Variants in FBXL5 observed in about 807,000 individuals in gnomAD.
FBXL5 encodes the protein F-box/LRR-repeat protein 5.
A neutral mutation model predicts 78.3 loss-of-function variants in FBXL5; 26 were observed. The observed-to-expected ratio is 0.33, with a 90% confidence interval of 0.24 to 0.46. The LOEUF (loss-of-function observed/expected upper bound fraction) is 0.46, where lower values mean the gene tolerates loss of function less well. Ranked by LOEUF, FBXL5 falls within the 20% of genes least tolerant of loss-of-function variation. The pLI is 1.00. For missense variants in FBXL5, 710 were observed against 829.2 expected (o/e 0.86, Z 1.77); for synonymous variants, 295 against 282.5 (o/e 1.04, Z -0.45).
upstream of FBXL5, chr4:15,659,697 A>G (rs914745250): frequency 1.1e-5 from 11 of 983,220 alleles, no homozygotes; most frequent in African/African-American, 1.7e-4. Flanking sequence ...AGAGCCTTCC[A>G]TTTCCCAAAT....
Position 15,630,718 on chromosome 4 carries a change from A to C in FBXL5, c.840T>G (p.Asp280Glu). 1.2e-6 allele frequency: 2 copies of C among 1,607,594 alleles called. No homozygotes were observed. The highest frequency in any genetic ancestry group is 1.7e-6 in the Non-Finnish European group (2 of 1,178,478). ...PDDEWVKNRK[D>E]ESRAFHEWDE... ...CCCACTCATGAAAAGCACGACTTTC[A>C]TCTTTCCTATTTTTCACCCATTCAT... The change falls in exon 6 of 11, where the codon GAT becomes GAG. Residue 280 changes from aspartate (D) to glutamate (E), a missense_variant. Asp to Glu is a conservative substitution (Grantham distance 45). Transcript: ENST00000341285.
At chr4:15,613,696 T>G (rs982794319) in intron 9 of FBXL5, among the ~76,000 whole-genome samples, 5 of 152,122 alleles carry the variant, frequency 3.3e-5, no homozygotes, top group Non-Finnish European at 7.4e-5. Context: ...CTGAAGTTCT[T>G]TCTTTTGTTT....
chr4:15,651,777 T>G (rs2148712321), intron 1 of FBXL5, among the ~76,000 whole-genome samples: 1 of 152,340 alleles, frequency 6.6e-6, no homozygotes, highest in Non-Finnish European at 1.5e-5. Flanking sequence ...CTGAAAAATT[T>G]GGGCACACCT....
chr4:15,658,261 CAT>C (rs1408945587), upstream of FBXL5, among the ~76,000 whole-genome samples: 1 of 152,244 alleles, frequency 6.6e-6, no homozygotes, highest in Admixed American at 6.5e-5. Context: ...CAGTTGGAAT[CAT>C]AGTCCTCACT....
chr4:15,644,437 A>T (rs1715176083), intron 2 of FBXL5, 56 bp downstream of exon 2: 1 of 1,415,716 alleles, frequency 7.1e-7, no homozygotes, highest in Non-Finnish European at 9.9e-7. Context: ...TTTGCCAATG[A>T]TATACCAGAA....
At chr4:15,620,279 T>TA (rs1271082753) in intron 9 of FBXL5, among the ~76,000 whole-genome samples, 1 of 151,906 alleles carries the variant, frequency 6.6e-6, no homozygotes, top group African/African-American at 2.4e-5. Flanking sequence ...TGAAAGAAAT[T>TA]AAAAAAGATC....
intron 1 of FBXL5, among the ~76,000 whole-genome samples, chr4:15,645,979 T>C (rs1234491641): frequency 6.6e-6 from 1 of 152,204 alleles, no homozygotes; most frequent in Non-Finnish European, 1.5e-5. Flanking sequence ...TTTATGGAGT[T>C]TCCATTTCAG....
chr4:15,666,266 G>A (rs113522548), intron 1 of FBXL5, among the ~76,000 whole-genome samples: 68 of 152,178 alleles, frequency 4.5e-4, no homozygotes, highest in African/African-American at 1.6e-3. Context: ...AGGTATGGTG[G>A]TGCATGCCTG....
chr4:15,675,556 C>A (rs1417023151), intron 1 of FBXL5, among the ~76,000 whole-genome samples: 1 of 149,420 alleles, frequency 6.7e-6, no homozygotes, highest in South Asian at 2.1e-4. Context: ...CTTAACTTCT[C>A]GGTCACAAAA....
At chr4:15,626,718 G>C (rs985631757) in intron 8 of FBXL5, among the ~76,000 whole-genome samples, 155 bp downstream of exon 8, 1 of 152,206 alleles carries the variant, frequency 6.6e-6, no homozygotes, top group Non-Finnish European at 1.5e-5. Flanking sequence ...GGACCTATGA[G>C]TAAGAAGTGA....
chr4:15,619,356 A>AGT (rs1712243136), intron 9 of FBXL5, among the ~76,000 whole-genome samples: 1 of 152,194 alleles, frequency 6.6e-6, no homozygotes, highest in East Asian at 1.9e-4. Flanking sequence ...ACACACCCTG[A>AGT]CCAAGTGGGT....
chr4:15,609,421 A>C (rs1443188206), intron 10 of FBXL5, among the ~76,000 whole-genome samples: 2 of 152,068 alleles, frequency 1.3e-5, no homozygotes, highest in African/African-American at 4.8e-5. Flanking sequence ...ACTGAGTTCT[A>C]AGTATATTAC....
intron 1 of FBXL5, among the ~76,000 whole-genome samples, chr4:15,671,580 GTTT>G (rs893741100): frequency 4.6e-5 from 7 of 151,994 alleles, no homozygotes; most frequent in African/African-American, 1.7e-4. Flanking sequence ...GGGTGGTGTG[GTTT>G]TTTTATGCTT....
chr4:15,623,892 G>A (rs1248416856), intron 9 of FBXL5, among the ~76,000 whole-genome samples: 8 of 151,112 alleles, frequency 5.3e-5, no homozygotes, highest in South Asian at 2.1e-4. Context: ...GCATGATCTC[G>A]GCTCACTGCA....
chr4:15,615,164 G>A (rs145247119), intron 9 of FBXL5, among the ~76,000 whole-genome samples: 46,095 of 152,050 alleles, frequency 0.3, 7,236 homozygotes, highest in Middle Eastern at 0.43. Context: ...GGCAGGGCTC[G>A]GGACCTGCAG....
intron 1 of FBXL5, among the ~76,000 whole-genome samples, chr4:15,674,088 T>A (rs1188799486): frequency 6.6e-6 from 1 of 152,242 alleles, no homozygotes; most frequent in Non-Finnish European, 1.5e-5. Context: ...ATAGATTTGT[T>A]TTCCAACACT....
chr4:15,604,475 C>T lies in FBXL5; in HGVS notation c.*1248G>A, dbSNP rs1721753580. ...AACAATCACTGGCCACAGATCACCA[C>T]AACAGATTTAATAATAGTGAAAAAC... On this transcript the variant is annotated 3_prime_UTR_variant, in exon 11 of 11. Coordinates refer to ENST00000341285, the MANE Select transcript of FBXL5 (RefSeq NM_012161.4). 1 of 151,390 alleles carries T rather than the reference C, an allele frequency of 6.6e-6. No homozygotes were observed. Among genetic ancestry groups the T allele is most frequent in the African/African-American group, 2.5e-5 (1 of 40,718 alleles). 9.4% of individuals were successfully genotyped at this position (151,390 alleles called of 1,614,324 possible).
At position 15,612,414 on chromosome 4, in the gene FBXL5, C is replaced by T; in HGVS notation, c.1851G>A (p.Arg617=). 16 of 1,604,106 alleles carry T rather than the reference C, an allele frequency of 1.0e-5. No individual in the cohort carries two copies. Among genetic ancestry groups the T allele is most frequent in the Non-Finnish European group, 1.3e-5 (15 of 1,176,558 alleles). ...GCYQITDHGL[R]VLTLGGGLPY... is the part of the protein sequence containing the mutation. ...GCAGCCCTCCTCCCAGAGTCAAAAC[C>T]CTGTAAGAAAAATAATTTGACAATT... The change falls in exon 10 of 11, where the codon AGG becomes AGA. Residue 617 remains arginine (R), a splice_region_variant and synonymous_variant. Coordinates refer to ENST00000341285, the MANE Select transcript of FBXL5 (RefSeq NM_012161.4).
intron 1 of FBXL5, among the ~76,000 whole-genome samples, chr4:15,675,326 AG>A (rs952311884): frequency 2.0e-5 from 3 of 152,226 alleles, no homozygotes; most frequent in African/African-American, 7.2e-5. Context: ...TATAAAAATG[AG>A]GTGAATAAGT....
Sources: gnomAD v4.1 joint callset for allele counts (sites outside exome capture counted in the v4.1 genomes callset) on GRCh38, gnomAD v4.1.1 for gene constraint, MANE v1.5 for transcripts, NCBI Gene and HGNC (gene_info 2026-07-23, HGNC 2026-07-21) for gene names.